Variants in SLC44A5 observed in about 807,000 individuals in gnomAD.
SLC44A5 encodes the protein choline transporter-like protein 5.
SLC44A5 carries 57 observed loss-of-function variants against 101.8 expected under a neutral mutation model. The observed-to-expected ratio is 0.56, with a 90% CI of 0.45 to 0.70. SLC44A5 has a LOEUF of 0.70. Among genes scored for constraint, SLC44A5 ranks in the 30% least tolerant of loss-of-function variants. The pLI, the probability that SLC44A5 is intolerant of heterozygous loss-of-function variation, is 0.00. For missense variants in SLC44A5, 737 were observed against 853.1 expected, an observed-to-expected ratio of 0.86 and a Z score of 1.70; for synonymous variants, 281 against 290.9, an observed-to-expected ratio of 0.97 and a Z score of 0.35.
chr1:75,608,404 T>G (rs373631282), intron 1 of SLC44A5, among the ~76,000 whole-genome samples: 21 of 151,904 alleles, frequency 1.4e-4, no homozygotes, highest in African/African-American at 5.1e-4. Flanking sequence ...AGAAAATTTT[T>G]AAAGAGTTAT....
chr1:75,480,176 G>C (rs1464127023), intron 2 of SLC44A5, among the ~76,000 whole-genome samples: 1 of 152,194 alleles, frequency 6.6e-6, no homozygotes, highest in East Asian at 1.9e-4. Context: ...AATAGATGCA[G>C]AAAAGGCCTT....
chr1:75,544,344 T>C (rs1359555844), intron 1 of SLC44A5, among the ~76,000 whole-genome samples: 1 of 152,238 alleles, frequency 6.6e-6, no homozygotes, highest in African/African-American at 2.4e-5. Flanking sequence ...CCACTATGTT[T>C]CTGTTTATTA....
the SLC44A5 span, among the ~76,000 whole-genome samples, chr1:75,715,667 A>C: frequency 6.6e-6 from 1 of 152,194 alleles, no homozygotes; most frequent in Non-Finnish European, 1.5e-5. Flanking sequence ...AAAGCCATAA[A>C]TGTAAAAGCT....
At chr1:75,676,169 C>T in the SLC44A5 span, among the ~76,000 whole-genome samples, 2 of 152,094 alleles carry the variant, frequency 1.3e-5, no homozygotes, top group African/African-American at 4.8e-5. Flanking sequence ...CTGGAAATAC[C>T]GTTTGATGCA....
chr1:75,719,572 C>T, the SLC44A5 span, among the ~76,000 whole-genome samples: 1 of 152,258 alleles, frequency 6.6e-6, no homozygotes, highest in Non-Finnish European at 1.5e-5. Flanking sequence ...TACAAGAAGT[C>T]TCTAAAAAGG....
intron 2 of SLC44A5, among the ~76,000 whole-genome samples, chr1:75,414,506 G>A (rs1418097816): frequency 6.6e-6 from 1 of 152,252 alleles, no homozygotes; most frequent in African/African-American, 2.4e-5. Flanking sequence ...CATAGGCTCT[G>A]CTCTCATGGA....
chr1:75,421,555 A>T (rs976615041), intron 2 of SLC44A5, among the ~76,000 whole-genome samples: 1 of 152,164 alleles, frequency 6.6e-6, no homozygotes, highest in African/African-American at 2.4e-5. Flanking sequence ...TGCTGAATGC[A>T]TAGAGACACT....
chr1:75,643,055 G>A, the SLC44A5 span, among the ~76,000 whole-genome samples: 1 of 151,988 alleles, frequency 6.6e-6, no homozygotes, highest in Non-Finnish European at 1.5e-5. Flanking sequence ...ATTCTGATTT[G>A]CTAGATTTCC....
chr1:75,386,920 T>C (rs1328606664), intron 3 of SLC44A5, among the ~76,000 whole-genome samples: 1 of 151,970 alleles, frequency 6.6e-6, no homozygotes, highest in African/African-American at 2.4e-5. Flanking sequence ...TCTACAACTA[T>C]CTGATCTTTG....
At chr1:75,396,865 A>G (rs1462820704) in intron 2 of SLC44A5, among the ~76,000 whole-genome samples, 1 of 152,166 alleles carries the variant, frequency 6.6e-6, no homozygotes, top group Non-Finnish European at 1.5e-5. Flanking sequence ...TTTGGGGATG[A>G]TGAAATAAAG....
intron 18 of SLC44A5, among the ~76,000 whole-genome samples, chr1:75,216,420 CTGTT>C (rs1646963341): frequency 1.3e-5 from 2 of 151,696 alleles, no homozygotes; most frequent in African/African-American, 4.8e-5. Context: ...GTGCAAGTAT[CTGTT>C]TGAGTTCCTT....
the SLC44A5 span, among the ~76,000 whole-genome samples, chr1:75,679,566 A>G: frequency 6.6e-6 from 1 of 151,888 alleles, no homozygotes; most frequent in East Asian, 1.9e-4. Context: ...AAATGCTGAG[A>G]GATTTTGTCA....
intron 1 of SLC44A5, among the ~76,000 whole-genome samples, chr1:75,564,977 T>C (rs1252517427): frequency 6.6e-6 from 1 of 152,168 alleles, no homozygotes; most frequent in East Asian, 1.9e-4. Flanking sequence ...TGCAGGTTTG[T>C]TACACAGATA....
At chr1:75,238,727 C>A in intron 9 of SLC44A5, 91 bp from the exon 10 acceptor site, 2 of 835,332 alleles carry the variant, frequency 2.4e-6, no homozygotes, top group South Asian at 2.6e-5. Flanking sequence ...TATATATAAT[C>A]AAATTCTTGC....
At chr1:75,308,380 A>C (rs1655060365) in intron 4 of SLC44A5, among the ~76,000 whole-genome samples, 1 of 149,910 alleles carries the variant, frequency 6.7e-6, no homozygotes, top group African/African-American at 2.5e-5. Context: ...TGTAAAGAGA[A>C]TTGAAACCTG....
chr1:75,486,371 A>C (rs1668149935), intron 2 of SLC44A5, among the ~76,000 whole-genome samples: 1 of 152,088 alleles, frequency 6.6e-6, no homozygotes, highest in South Asian at 2.1e-4. Flanking sequence ...TTGAATAATT[A>C]ATTTTTGTTT....
chr1:75,567,524 G>A (rs1050674948), intron 1 of SLC44A5, among the ~76,000 whole-genome samples: 10 of 152,108 alleles, frequency 6.6e-5, no homozygotes, highest in African/African-American at 2.4e-4. Context: ...ATTCATATAG[G>A]ATGGCCTGGT....
At chr1:75,466,655 TAAAAAAAAA>T in intron 2 of SLC44A5, among the ~76,000 whole-genome samples, 1 of 88,446 alleles carries the variant, frequency 1.1e-5, no homozygotes, top group African/African-American at 4.7e-5. Context: ...GATGCCATCT[TAAAAAAAAA>T]AAAAAAAAAA....
At chr1:75,230,390 G>C (rs947613213) in intron 12 of SLC44A5, among the ~76,000 whole-genome samples, 1 of 151,862 alleles carries the variant, frequency 6.6e-6, no homozygotes, top group African/African-American at 2.4e-5. Context: ...TGGGACTACA[G>C]GTGTGTGCTA....
Sources: gnomAD v4.1 joint callset for allele counts (sites outside exome capture counted in the v4.1 genomes callset) on GRCh38, gnomAD v4.1.1 for gene constraint, MANE v1.5 for transcripts, NCBI Gene and HGNC (gene_info 2026-07-23, HGNC 2026-07-21) for gene names.